Variants in CRIM1 observed in about 807,000 individuals in gnomAD.
CRIM1 encodes cysteine-rich motor neuron 1 protein.
Under a neutral mutation model 116.4 loss-of-function variants are expected in CRIM1, and 32 were observed. The ratio of observed to expected loss-of-function variants is 0.27; its 90% CI spans 0.21 to 0.37. The LOEUF is 0.37. Ranked by LOEUF, CRIM1 falls within the 10% of genes least tolerant of loss-of-function variation. The pLI is 1.00. For missense variants in CRIM1, 1,331 were observed against 1,354.8 expected (o/e 0.98, Z 0.28); for synonymous variants, 590 against 509.2 (o/e 1.16, Z -2.13).
chr2:36,441,589 C>T, intron 3 of CRIM1, 89 bp downstream of exon 3: 1 of 1,498,196 alleles, frequency 6.7e-7, no homozygotes. Flanking sequence ...TCTCCTTTCA[C>T]ACGAAGATGG....
chr2:36,394,007 G>T (rs1228112906), intron 1 of CRIM1, among the ~76,000 whole-genome samples: 1 of 152,160 alleles, frequency 6.6e-6, no homozygotes, highest in Non-Finnish European at 1.5e-5. Flanking sequence ...GAATGAGGTG[G>T]AGAGACAAGA....
rs1387082670 is a variant in CRIM1 at position 36,537,428 on chromosome 2, C to T, written c.2505C>T (p.Asp835=). The change falls in exon 14 of 17, where the codon GAC becomes GAT. Residue 835 remains aspartate, a synonymous_variant. Transcript: ENST00000280527. ...AYADEERWDL[D]SCTHCYCLQG... ...CCGACGAGGAGCGGTGGGACCTTGA[C>T]AGCTGCACCCACTGCTACTGCCTGC... is the stretch of plus-strand genomic sequence containing the variant. 2 of 1,614,104 alleles carry T rather than the reference C, an allele frequency of 1.2e-6. No homozygotes were observed. Among genetic ancestry groups the T allele is most frequent in the Non-Finnish European group, 1.7e-6 (2 of 1,180,034 alleles).
intron 4 of CRIM1, among the ~76,000 whole-genome samples, chr2:36,457,034 G>A (rs186820777): frequency 3.9e-5 from 6 of 152,228 alleles, no homozygotes; most frequent in South Asian, 4.2e-4. Flanking sequence ...ATAAGCTTCC[G>A]GAGCCACATG....
chr2:36,535,239 G>C (rs1334648382), intron 13 of CRIM1, among the ~76,000 whole-genome samples: 1 of 151,092 alleles, frequency 6.6e-6, no homozygotes, highest in Non-Finnish European at 1.5e-5. Context: ...AGGTGAGGGA[G>C]GGGGAAGGAG....
chr2:36,417,136 T>C (rs1397713095), intron 2 of CRIM1, among the ~76,000 whole-genome samples: 1 of 152,196 alleles, frequency 6.6e-6, no homozygotes, highest in African/African-American at 2.4e-5. Context: ...AGTCCTTCCC[T>C]TATTCTTTTG....
At chr2:36,498,473 A>G (rs1680757017) in intron 7 of CRIM1, among the ~76,000 whole-genome samples, 1 of 152,262 alleles carries the variant, frequency 6.6e-6, no homozygotes, top group East Asian at 1.9e-4. Flanking sequence ...ATATAAATAC[A>G]TAATATGCTT....
At chr2:36,391,007 G>T (rs67044425) in intron 1 of CRIM1, among the ~76,000 whole-genome samples, 32,021 of 151,132 alleles carry the variant, frequency 0.21, 3,813 homozygotes, top group South Asian at 0.32. Context: ...ACAGGGTTTC[G>T]TCATGTTGCC....
At chr2:36,492,003 TA>T (rs199640324) in intron 7 of CRIM1, among the ~76,000 whole-genome samples, 1 of 151,760 alleles carries the variant, frequency 6.6e-6, no homozygotes, top group Non-Finnish European at 1.5e-5. Flanking sequence ...CCCCACTCTA[TA>T]AAAAAAAATT....
intron 15 of CRIM1, among the ~76,000 whole-genome samples, chr2:36,544,948 C>CT (rs1667214428): frequency 6.6e-6 from 1 of 152,194 alleles, no homozygotes; most frequent in African/African-American, 2.4e-5. Context: ...GTGAGCTAAA[C>CT]TTATCACCTA....
intron 7 of CRIM1, among the ~76,000 whole-genome samples, chr2:36,485,919 A>C (rs1205812610): frequency 6.6e-6 from 1 of 152,264 alleles, no homozygotes; most frequent in Non-Finnish European, 1.5e-5. Context: ...ATAAATGGAA[A>C]TTAAAATATA....
At chr2:36,462,309 C>CT (rs1677643384) in intron 4 of CRIM1, among the ~76,000 whole-genome samples, 1 of 152,160 alleles carries the variant, frequency 6.6e-6, no homozygotes, top group African/African-American at 2.4e-5. Context: ...CACCTCTATG[C>CT]AATATATGTC....
intron 8 of CRIM1, among the ~76,000 whole-genome samples, chr2:36,509,336 A>G (rs1316968361): frequency 6.6e-6 from 1 of 152,144 alleles, no homozygotes; most frequent in Non-Finnish European, 1.5e-5. Flanking sequence ...GGCAACATTT[A>G]GTAGAGAAGG....
In CRIM1 at chr2:36,476,217, T is replaced by G. The variant is rs1678963391; in HGVS notation, c.992-672T>G. Among the ~76,000 whole-genome samples, 4 of 152,282 alleles carry G rather than the reference T, an allele frequency of 2.6e-5. No individual in the cohort carries two copies. The South Asian group carries it at 8.3e-4, about 32-fold the overall frequency. On this transcript the variant is annotated intron_variant, in intron 5 of 16. Coordinates refer to ENST00000280527, the MANE Select transcript of CRIM1 (RefSeq NM_016441.3). ...AAGCACAATGGAAGGAGCACAAGGT[T>G]TCAGTTGAAGAGCTACTGTTTTGGC...
chr2:36,469,346 C>G (rs1271436854), intron 5 of CRIM1, among the ~76,000 whole-genome samples: 1 of 152,204 alleles, frequency 6.6e-6, no homozygotes, highest in African/African-American at 2.4e-5. Context: ...TGAAATACTT[C>G]TGTTTTGGAG....
chr2:36,419,091 A>G (rs560602424), intron 2 of CRIM1, among the ~76,000 whole-genome samples: 2 of 152,334 alleles, frequency 1.3e-5, no homozygotes, highest in South Asian at 2.1e-4. Context: ...AAATGCTAGC[A>G]TTTTTAAAGA....
rs1668777863 is a variant in CRIM1 at position 36,356,162 on chromosome 2, G to C, written c.-131G>C. The stretch of plus-strand genomic sequence containing the variant: ...CCCGCGAGGGGAGGCGCGCCCCGGG[G>C]GCCCCGAGAGGGGCGGTGAGGACCG... On this transcript the variant is annotated 5_prime_UTR_variant, in exon 1 of 17. Transcript: ENST00000280527. This position sits in a 1 kb window ranked among gnomAD's most constrained non-coding sequence, Gnocchi z 4.3. 1 of 226,706 alleles carries C rather than the reference G, an allele frequency of 4.4e-6. No homozygotes were observed. The highest frequency in any genetic ancestry group is 7.9e-6 in the Non-Finnish European group (1 of 126,442). 14.0% of individuals were successfully genotyped at this position (226,706 alleles called of 1,614,324 possible). A position where few individuals can be genotyped will look rare whatever the true frequency, so the allele number is the denominator to read the frequency against.
intron 2 of CRIM1, among the ~76,000 whole-genome samples, chr2:36,399,878 C>G (rs923510435): frequency 6.6e-6 from 1 of 152,130 alleles, no homozygotes; most frequent in African/African-American, 2.4e-5. Flanking sequence ...AAACAGACAT[C>G]TTTAAAGGAG....
chr2:36,473,864 C>T (rs1321733562), intron 5 of CRIM1, among the ~76,000 whole-genome samples: 1 of 152,016 alleles, frequency 6.6e-6, no homozygotes, highest in African/African-American at 2.4e-5. Context: ...TTTCATTTCT[C>T]TTGGGTATAT....
At chr2:36,478,884 G>A (rs1679192345) in intron 6 of CRIM1, among the ~76,000 whole-genome samples, 1 of 151,796 alleles carries the variant, frequency 6.6e-6, no homozygotes, top group South Asian at 2.1e-4. Flanking sequence ...CTCCCACCTG[G>A]GGCTGCAGCT....
Sources: allele counts gnomAD v4.1 joint callset (sites outside exome capture counted in the v4.1 genomes callset), GRCh38; gene constraint gnomAD v4.1.1; non-coding constraint Gnocchi (gnomAD v3.1); transcripts MANE v1.5; gene names NCBI Gene and HGNC (gene_info 2026-07-23, HGNC 2026-07-21).